The following PARD6B variants were observed in gnomAD, a reference collection of about 807,000 sequenced individuals.
The protein encoded by PARD6B is partitioning defective 6 homolog beta.
A neutral mutation model predicts 10.5 loss-of-function variants in PARD6B; 4 were observed. The ratio of observed to expected loss-of-function variants is 0.38; its 90% CI spans 0.19 to 0.87. PARD6B has a LOEUF of 0.87. Among genes scored for constraint, PARD6B ranks in the 40% least tolerant of loss-of-function variants. The pLI, the probability that PARD6B is intolerant of heterozygous loss-of-function variation, is 0.41. For missense variants in PARD6B, 396 were observed against 470.6 expected, an observed-to-expected ratio of 0.84 and a Z score of 1.47; for synonymous variants, 169 against 170.4, an observed-to-expected ratio of 0.99 and a Z score of 0.07.
In PARD6B at chr20:50,750,648, T is replaced by C. The variant is rs2087599527; in HGVS notation, c.*160T>C. On this transcript the variant is annotated 3_prime_UTR_variant, in exon 3 of 3. Transcript: ENST00000371610. ...ATTAAAGTAGTAGTTTGATAATTGTTAATATAAACTTTGGTGGATCAGAGG... is the reference window on the plus strand; with the variant it reads ...ATTAAAGTAGTAGTTTGATAATTGTCAATATAAACTTTGGTGGATCAGAGG... 9 of 1,406,680 alleles carry C rather than the reference T, an allele frequency of 6.4e-6. No homozygotes were observed. In the South Asian group the frequency reaches 1.5e-4, roughly 23 times the overall value. 87.1% of individuals were successfully genotyped at this position (1,406,680 alleles called of 1,614,324 possible).
intron 2 of PARD6B, among the ~76,000 whole-genome samples, chr20:50,742,055 G>A (rs1568996789): frequency 1.3e-5 from 2 of 151,884 alleles, no homozygotes; most frequent in South Asian, 2.1e-4. Context: ...ATATGTACTG[G>A]TGTTTTGTTT....
At chr20:50,743,665 A>G (rs924015427) in intron 2 of PARD6B, among the ~76,000 whole-genome samples, 1 of 152,102 alleles carries the variant, frequency 6.6e-6, no homozygotes, top group African/African-American at 2.4e-5. Flanking sequence ...GAGGCGGGCG[A>G]ATCACAAGAT....
rs146089438 is a variant in PARD6B at position 50,744,334 on chromosome 20, G to C, written c.290-5325G>C. Among the ~76,000 whole-genome samples, 182 of 151,790 alleles carry C rather than the reference G, an allele frequency of 1.2e-3. 1 individual carries two copies. The highest frequency in any genetic ancestry group is 4.2e-3 in the African/African-American group (176 of 41,430). ...TCTCCATGTTGGTCAGGCTGCTTGC[G>C]AACTCCCGACCTCTGGTAATCCGCC... On this transcript the variant is annotated intron_variant, in intron 2 of 2. Transcript: ENST00000371610.
intron 2 of PARD6B, among the ~76,000 whole-genome samples, chr20:50,746,084 A>G (rs1164040174): frequency 6.9e-6 from 1 of 145,212 alleles, no homozygotes; most frequent in South Asian, 2.2e-4. Context: ...TTTTTTCTAG[A>G]TTTGCTTTTT....
At position 50,750,099 on chromosome 20, in the gene PARD6B, A is replaced by G. The variant is rs145980829; in HGVS notation, c.730A>G (p.Ile244Val). 124 of 1,614,138 alleles carry G rather than the reference A, an allele frequency of 7.7e-5. No individual in the cohort carries two copies. The highest frequency in any genetic ancestry group is 9.9e-5 in the Non-Finnish European group (117 of 1,180,056). Residue 244 changes from isoleucine to valine, a missense_variant, in exon 3 of 3, where the codon ATA (isoleucine) becomes GTA (valine). Ile to Val is a conservative substitution (Grantham distance 29, BLOSUM62 3). Coordinates refer to ENST00000371610, the MANE Select transcript of PARD6B (RefSeq NM_032521.3). ...GATTGCAAATAGCCGTAACCTCATC[A>G]TAACAGTGAGACCGGCAAACCAGAG... ...MMIANSRNLI[I>V]TVRPANQRNN...
At chr20:50,739,058 G>A (rs1211626385) in intron 2 of PARD6B, among the ~76,000 whole-genome samples, 1 of 151,502 alleles carries the variant, frequency 6.6e-6, no homozygotes, top group Non-Finnish European at 1.5e-5. Context: ...TTTCTCAATT[G>A]TAAATGAAGT....
In PARD6B at chr20:50,731,867, G is replaced by T; in HGVS notation, c.66+15G>T. The T allele has an allele frequency of 7.0e-7, 1 of 1,432,634 alleles. No individual in the cohort carries two copies. Among genetic ancestry groups the T allele is most frequent in the Non-Finnish European group, 9.1e-7 (1 of 1,097,060 alleles). 88.7% of individuals were successfully genotyped at this position (1,432,634 alleles called of 1,614,324 possible). A position where few individuals can be genotyped will look rare whatever the true frequency, so the allele number is the denominator to read the frequency against. On this transcript the variant is annotated intron_variant, in intron 1 of 2. Transcript: ENST00000371610. The stretch of plus-strand genomic sequence containing the variant: ...TGAAGAGCAAGGTGCGCGGGGCCCG[G>T]GCTGGGCGGAGCGGCGGGCCTGGGG...
rs1323874152 is a variant in PARD6B, at chr20:50,751,332, G to A, written c.*844G>A. 1.3e-6 allele frequency: 1 copy of A among 783,298 alleles called. No homozygotes were observed. Among genetic ancestry groups the A allele is most frequent in the East Asian group, 1.3e-4 (1 of 7,418 alleles). 48.5% of individuals were successfully genotyped at this position (783,298 alleles called of 1,614,324 possible). A position where few individuals can be genotyped will look rare whatever the true frequency, so the allele number is the denominator to read the frequency against. ...AATGATGTTCTCAAGTACATTTCCA[G>A]TTTCTTTTCTTTTCTTTCTTTTTTT... is the stretch of plus-strand genomic sequence containing the variant. On this transcript the variant is annotated 3_prime_UTR_variant, in exon 3 of 3. Coordinates refer to ENST00000371610, the MANE Select transcript of PARD6B (RefSeq NM_032521.3).
At chr20:50,749,415 C>CT (rs1253453748) in intron 2 of PARD6B, among the ~76,000 whole-genome samples, 1 of 151,828 alleles carries the variant, frequency 6.6e-6, no homozygotes, top group East Asian at 1.9e-4. Context: ...TGAATGAGCT[C>CT]TATCAAATTT....
rs1412718270 is a variant in PARD6B at position 50,750,166 on chromosome 20, G to A, written c.797G>A (p.Gly266Asp). 1 of 1,614,096 alleles carries A rather than the reference G, an allele frequency of 6.2e-7. No homozygotes were observed. Among genetic ancestry groups the A allele is most frequent in the Non-Finnish European group, 8.5e-7 (1 of 1,180,042 alleles). Residue 266 changes from glycine to aspartate, a missense_variant, in exon 3 of 3, where the codon GGT becomes GAT. By Grantham distance (94) the Gly-to-Asp change is moderately conservative. This residue lies in a region of PARD6B where 188 missense variants were observed against 169.7 expected (regional missense o/e 1.11). Coordinates refer to ENST00000371610, the MANE Select transcript of PARD6B (RefSeq NM_032521.3). ...VRNSRTSGSS[G>D]QSTDNSLLGY... ...AACAGTCGGACTTCTGGCAGTTCCG[G>A]TCAGTCTACTGATAACAGCCTTCTT...
At chr20:50,733,202 C>A (rs1462414379) in intron 1 of PARD6B, among the ~76,000 whole-genome samples, 1 of 152,156 alleles carries the variant, frequency 6.6e-6, no homozygotes, top group Non-Finnish European at 1.5e-5. Flanking sequence ...GGTGGATCAC[C>A]TGAGGTCAGG....
Position 50,748,944 on chromosome 20 carries a change from C to T in PARD6B, c.290-715C>T, listed in dbSNP as rs569124029. On this transcript the variant is annotated intron_variant, in intron 2 of 2. Transcript: ENST00000371610. ...CTCCTAGCACATTGAGAGGCTGAGGCGGGAGGATCTCCTGAGGCCAGGAGT... is the reference window on the plus strand; with the variant it reads ...CTCCTAGCACATTGAGAGGCTGAGGTGGGAGGATCTCCTGAGGCCAGGAGT... 5.3e-5 allele frequency among the ~76,000 whole-genome samples: 8 copies of T among 152,148 alleles called. 1 individual carries two copies. Among genetic ancestry groups the T allele is most frequent in the South Asian group, 4.2e-4 (2 of 4,816 alleles).
chr20:50,750,157 G>C lies in PARD6B; in HGVS notation c.788G>C (p.Gly263Ala). 1 of 1,614,230 alleles carries C rather than the reference G, an allele frequency of 6.2e-7. No homozygotes were observed. The highest frequency in any genetic ancestry group is 8.5e-7 in the Non-Finnish European group (1 of 1,180,048). ...GTTGTGAGGAACAGTCGGACTTCTG[G>C]CAGTTCCGGTCAGTCTACTGATAAC... ...NNVVRNSRTS[G>A]SSGQSTDNSL... Residue 263 changes from glycine to alanine, a missense_variant, in exon 3 of 3, where the codon GGC becomes GCC. Gly to Ala is a moderately conservative substitution (Grantham distance 60). Around this residue, in one of 2 missense-constraint regions of PARD6B, gnomAD observed 188 missense variants for 169.7 expected, o/e 1.11. Transcript: ENST00000371610.
rs1238973161 is a variant in PARD6B at position 50,753,548 on chromosome 20, TAATTA to T, written c.*3065_*3069del. ...GTACTTTTGTGAGCTATGAATTTTCTAATTAAATTTTACATGCTATAACATGATTT... is the reference window on the plus strand; with the variant it reads ...GTACTTTTGTGAGCTATGAATTTTCTAATTTTACATGCTATAACATGATTT... On this transcript the variant is annotated 3_prime_UTR_variant, in exon 3 of 3. Transcript: ENST00000371610. 1 of 901,372 alleles carries T rather than the reference TAATTA, an allele frequency of 1.1e-6. No individual in the cohort carries two copies. The highest frequency in any genetic ancestry group is 1.2e-4 in the East Asian group (1 of 8,406). 55.8% of individuals were successfully genotyped at this position (901,372 alleles called of 1,614,324 possible).
chr20:50,748,279 G>T (rs898517684), intron 2 of PARD6B, among the ~76,000 whole-genome samples: 2 of 152,236 alleles, frequency 1.3e-5, no homozygotes, highest in African/African-American at 4.8e-5. Flanking sequence ...GGGAGGCGGG[G>T]GTGGCAGTGA....
At chr20:50,735,166 A>G (rs908417855) in intron 1 of PARD6B, among the ~76,000 whole-genome samples, 5 of 152,198 alleles carry the variant, frequency 3.3e-5, no homozygotes, top group Admixed American at 3.3e-4. Context: ...AAATAAAAAA[A>G]TGCAATAAAG....
At position 50,737,987 on chromosome 20, in the gene PARD6B, A is replaced by T; in HGVS notation, c.197A>T (p.His66Leu). The change falls in exon 2 of 3, where the codon CAT (histidine) becomes CTT (leucine). Residue 66 changes from histidine to leucine, a missense_variant. By Grantham distance (99) the His-to-Leu change is moderately conservative. Coordinates refer to ENST00000371610, the MANE Select transcript of PARD6B (RefSeq NM_032521.3). ...GTTTTGGTAGGCTATGCAGACATCC[A>T]TGGAGACTTACTACCTATAAATAAT... ...VDVLVGYADI[H>L]GDLLPINNDD... is the part of the protein sequence containing the mutation. 9 of 1,613,808 alleles carry T rather than the reference A, an allele frequency of 5.6e-6. No homozygotes were observed. Among genetic ancestry groups the T allele is most frequent in the Non-Finnish European group, 7.6e-6 (9 of 1,179,842 alleles).
chr20:50,753,220 T>G lies in PARD6B; in HGVS notation c.*2732T>G. The G allele has an allele frequency of 2.0e-6, 2 of 985,290 alleles. No individual in the cohort carries two copies. The highest frequency in any genetic ancestry group is 2.4e-6 in the Non-Finnish European group (2 of 829,362). 61.0% of individuals were successfully genotyped at this position (985,290 alleles called of 1,614,324 possible). ...GGAAATCAAAGCTGCTATTGCTTTT[T>G]ATTTTAATTATCCTGTTAAGGGTAT... is the stretch of plus-strand genomic sequence containing the variant. On this transcript the variant is annotated 3_prime_UTR_variant, in exon 3 of 3. Coordinates refer to ENST00000371610, the MANE Select transcript of PARD6B (RefSeq NM_032521.3).
rs139465911 is a variant in PARD6B, at chr20:50,752,495, G to A, written c.*2007G>A. ...TGCATCCACTTAGAACAAGCTAAGA[G>A]TAAGGCTGCTAACTTTAATTCCTTG... On this transcript the variant is annotated 3_prime_UTR_variant, in exon 3 of 3. Coordinates refer to ENST00000371610, the MANE Select transcript of PARD6B (RefSeq NM_032521.3). 8.2e-5 allele frequency: 81 copies of A among 985,604 alleles called. No homozygotes were observed. The African/African-American group carries it at 1.4e-3, about 17-fold the overall frequency. 61.1% of individuals were successfully genotyped at this position (985,604 alleles called of 1,614,324 possible). A position where few individuals can be genotyped will look rare whatever the true frequency, so the allele number is the denominator to read the frequency against.
Sources: allele counts gnomAD v4.1 joint callset (sites outside exome capture counted in the v4.1 genomes callset), GRCh38; gene constraint gnomAD v4.1.1; regional missense constraint gnomAD v4.1.1; transcripts MANE v1.5; gene names NCBI Gene and HGNC (gene_info 2026-07-23, HGNC 2026-07-21).